SQSTM1: variants seen among roughly 807,000 people sequenced by gnomAD.
SQSTM1 encodes sequestosome 1.
A neutral mutation model predicts 45.1 loss-of-function variants in SQSTM1; 36 were observed. The ratio of observed to expected loss-of-function variants is 0.80; its 90% CI spans 0.61 to 1.05. The LOEUF (loss-of-function observed/expected upper bound fraction) is 1.05, where lower values mean the gene tolerates loss of function less well. Ranked by LOEUF, SQSTM1 falls within the 50% of genes least tolerant of loss-of-function variation. SQSTM1 has a pLI of 0.00. For missense variants in SQSTM1, 617 were observed against 607.1 expected (o/e 1.02, Z -0.17); for synonymous variants, 290 against 244.3 (o/e 1.19, Z -1.74).
intron 1 of SQSTM1, among the ~76,000 whole-genome samples, chr5:179,809,391 C>T (rs1453622520): frequency 1.7e-5 from 2 of 119,060 alleles, no homozygotes; most frequent in Admixed American, 1.2e-4. Flanking sequence ...GGCTGGAGTG[C>T]GATGGCAGAA....
chr5:179,833,005 G>C (rs758924922), intron 5 of SQSTM1, 27 bp from the exon 6 acceptor site: 2 of 1,613,346 alleles, frequency 1.2e-6, no homozygotes, highest in Admixed American at 3.3e-5. Context: ...GAACTTCACG[G>C]CTTGCTCTTT....
intron 7 of SQSTM1, 103 bp downstream of exon 7, chr5:179,833,885 C>T: frequency 1.5e-6 from 2 of 1,295,292 alleles, no homozygotes; most frequent in Non-Finnish European, 2.2e-6. Flanking sequence ...AGATGTTCTC[C>T]ACTGCAGGGC....
chr5:179,813,027 C>A (rs1001282030), intron 2 of SQSTM1: 2 of 135,698 alleles, frequency 1.5e-5, no homozygotes, highest in Non-Finnish European at 3.1e-5. Flanking sequence ...AAGAAAAAAG[C>A]ATGTTTCTAA....
chr5:179,834,436 G>C (rs945748280), intron 7 of SQSTM1, among the ~76,000 whole-genome samples: 1 of 128,420 alleles, frequency 7.8e-6, no homozygotes, highest in Non-Finnish European at 1.7e-5. Context: ...TATTTTTATT[G>C]ATCATTCTTG....
chr5:179,835,049 CG>C, intron 7 of SQSTM1: 2 of 209,228 alleles, frequency 9.6e-6, no homozygotes, highest in Non-Finnish European at 2.0e-5. Flanking sequence ...ACTTCTCAGA[CG>C]GGGCGGCCGG....
Position 179,837,217 on chromosome 5 carries a change from T to C in SQSTM1, c.*624T>C, listed in dbSNP as rs11548619. ...CTTTGTAGCCATCCTGTTAAATTTG[T>C]AAACAATCTAATTAAATGGCATCAG... On this transcript the variant is annotated 3_prime_UTR_variant, in exon 8 of 8. Transcript: ENST00000389805. 2 of 1,583,406 alleles carry C rather than the reference T, an allele frequency of 1.3e-6. No individual in the cohort carries two copies. Among genetic ancestry groups the C allele is most frequent in the Non-Finnish European group, 1.7e-6 (2 of 1,170,322 alleles).
chr5:179,821,101 C>G lies in SQSTM1; in HGVS notation c.165C>G (p.Phe55Leu), dbSNP rs886060501. ...TGCTGAGCCGGGTGGCCGCCCTGTT[C>G]CCCGCGCTGCGGCCTGGCGGCTTCC... Reference protein sequence around the residue: ...ERLLSRVAALFPALRPGGFQA... With the variant: ...ERLLSRVAALLPALRPGGFQA... The change falls in exon 1 of 8, where the codon TTC (phenylalanine) becomes TTG (leucine). Residue 55 changes from phenylalanine to leucine, a missense_variant. Phe to Leu is a conservative substitution (Grantham distance 22). Transcript: ENST00000389805. The G allele has an allele frequency of 7.0e-7, 1 of 1,421,348 alleles. No homozygotes were observed. The highest frequency in any genetic ancestry group is 9.2e-7 in the Non-Finnish European group (1 of 1,090,664). 88.0% of individuals were successfully genotyped at this position (1,421,348 alleles called of 1,614,324 possible). A position where few individuals can be genotyped will look rare whatever the true frequency, so the allele number is the denominator to read the frequency against.
At chr5:179,829,850 CTTT>C (rs1192284363) in intron 5 of SQSTM1, among the ~76,000 whole-genome samples, 1 of 152,158 alleles carries the variant, frequency 6.6e-6, no homozygotes, top group African/African-American at 2.4e-5. Context: ...AATCCCAACA[CTTT>C]GGGAGACCAA....
upstream of SQSTM1, among the ~76,000 whole-genome samples, chr5:179,816,345 T>G (rs1440324528): frequency 6.6e-6 from 1 of 152,220 alleles, no homozygotes; most frequent in Non-Finnish European, 1.5e-5. Flanking sequence ...AGATGGGGTT[T>G]CACTCTGTTG....
chr5:179,824,266 T>C lies in SQSTM1; in HGVS notation c.616T>C (p.Trp206Arg). 6.2e-7 allele frequency: 1 copy of C among 1,613,822 alleles called. No individual in the cohort carries two copies. Among genetic ancestry groups the C allele is most frequent in the South Asian group, 1.1e-5 (1 of 91,082 alleles). The change falls in exon 4 of 8, where the codon TGG becomes CGG. Residue 206 changes from tryptophan (W) to arginine (R), a missense_variant. Transcript: ENST00000389805. ...PGWEMGPPGN[W>R]SPRPPRAGEA... ...ATGGGAAATGGGTCCACCAGGAAAC[T>C]GGAGCCCACGTCCTCCTCGTGCAGG...
chr5:179,825,788 C>G (rs990165455), intron 5 of SQSTM1, among the ~76,000 whole-genome samples: 1 of 152,014 alleles, frequency 6.6e-6, no homozygotes, highest in African/African-American at 2.4e-5. Context: ...AAGGTGCCAC[C>G]TGACCCCAGG....
chr5:179,836,343 C>G, intron 7 of SQSTM1, 93 bp from the exon 8 acceptor site: 1 of 1,572,690 alleles, frequency 6.4e-7, no homozygotes, highest in Admixed American at 1.7e-5. Flanking sequence ...CTGGCAGACC[C>G]TGGTCCTGGC....
Position 179,833,612 on chromosome 5 carries a change from C to G in SQSTM1, c.995C>G (p.Ser332Ter), listed in dbSNP as rs1185406298. The G allele has an allele frequency of 4.3e-6, 7 of 1,614,014 alleles. No individual in the cohort carries two copies. The highest frequency in any genetic ancestry group is 5.9e-6 in the Non-Finnish European group (7 of 1,180,036). ...GAACAGATGGAGTCGGATAACTGTT[C>G]AGGAGGAGATGATGACTGGACCCAT... Reference protein sequence around the residue: ...PEEQMESDNCSGGDDDWTHLS... With the variant: ...PEEQMESDNC The change falls in exon 7 of 8, where the codon TCA becomes TGA. Residue 332 changes from serine to a stop codon, truncating the protein, a stop_gained. Coordinates refer to ENST00000389805, the MANE Select transcript of SQSTM1 (RefSeq NM_003900.5). LOFTEE classifies it high-confidence loss of function.
At position 179,829,991 on chromosome 5, in the gene SQSTM1, C is replaced by T. The variant is rs368420412; in HGVS notation, c.755-3041C>T. Among the ~76,000 whole-genome samples, 5 of 152,242 alleles carry T rather than the reference C, an allele frequency of 3.3e-5. No individual in the cohort carries two copies. The South Asian group carries it at 1.0e-3, about 32-fold the overall frequency. On this transcript the variant is annotated intron_variant, in intron 5 of 7. Coordinates refer to ENST00000389805, the MANE Select transcript of SQSTM1 (RefSeq NM_003900.5). ...CAGGCATGGAGTTGTGTACTTATGG[C>T]CCCAGCTACGTGGGAGGCTGAGGTT...
intron 5 of SQSTM1, among the ~76,000 whole-genome samples, chr5:179,828,546 G>T (rs1005781125): frequency 4.0e-5 from 6 of 151,704 alleles, no homozygotes; most frequent in Admixed American, 1.3e-4. Flanking sequence ...GGCTAATTTT[G>T]TATTTTTAGT....
At chr5:179,828,357 T>C (rs796499340) in intron 5 of SQSTM1, among the ~76,000 whole-genome samples, 3 of 151,008 alleles carry the variant, frequency 2.0e-5, no homozygotes, top group African/African-American at 7.3e-5. Flanking sequence ...TTCAACCTTT[T>C]TTTTTTCTTA....
At chr5:179,832,191 C>CA (rs1471383010) in intron 5 of SQSTM1, among the ~76,000 whole-genome samples, 10 of 152,194 alleles carry the variant, frequency 6.6e-5, no homozygotes, top group African/African-American at 1.9e-4. Flanking sequence ...CAGCAGCAGG[C>CA]AAGAGCAGCG....
At chr5:179,830,186 T>C (rs915649791) in intron 5 of SQSTM1, among the ~76,000 whole-genome samples, 9 of 152,324 alleles carry the variant, frequency 5.9e-5, no homozygotes, top group African/African-American at 1.9e-4. Context: ...ATCTTCTAGA[T>C]TGAAAGCGGC....
intron 7 of SQSTM1, 166 bp from the exon 8 acceptor site, chr5:179,836,270 C>A: frequency 1.1e-6 from 1 of 883,962 alleles, no homozygotes; most frequent in Admixed American, 1.8e-5. Flanking sequence ...CTGCTTGGCC[C>A]TTTACAGGGA....
Sources: allele counts gnomAD v4.1 joint callset (sites outside exome capture counted in the v4.1 genomes callset), GRCh38; gene constraint gnomAD v4.1.1; transcripts MANE v1.5; gene names NCBI Gene and HGNC (gene_info 2026-07-23, HGNC 2026-07-21).